Variants in INPP4B observed in about 807,000 individuals in gnomAD.
INPP4B encodes inositol polyphosphate-4-phosphatase type II B.
In INPP4B, 55 loss-of-function variants were observed where a neutral mutation model predicts 122.5. The observed-to-expected ratio is 0.45, with a 90% CI of 0.36 to 0.56. INPP4B has a LOEUF of 0.56. INPP4B is among the 20% of genes least tolerant of loss of function. The probability of loss-of-function intolerance (pLI) is 0.00; values close to 1 mark genes in which losing one functional copy is unlikely to be tolerated. For synonymous variants in INPP4B, 403 were observed against 388.7 expected (o/e 1.04, Z -0.43); for missense variants, 1,000 against 1,097.7 (o/e 0.91, Z 1.26).
chr4:142,664,036 G>A (rs74568308), intron 2 of INPP4B, among the ~76,000 whole-genome samples: 2,010 of 152,232 alleles, frequency 0.013, 37 homozygotes, highest in African/African-American at 0.038. Flanking sequence ...TCATGAACTC[G>A]ATTTCATCTG....
chr4:142,173,174 T>C (rs553478344), intron 16 of INPP4B, among the ~76,000 whole-genome samples: 4 of 152,068 alleles, frequency 2.6e-5, no homozygotes, highest in African/African-American at 9.6e-5. Flanking sequence ...GAGAGCAAAC[T>C]GAGGCAGAGG....
chr4:142,163,874 T>C lies in INPP4B; in HGVS notation c.1360-3313A>G, dbSNP rs566385389. On this transcript the variant is annotated intron_variant, in intron 16 of 25. Coordinates refer to ENST00000262992, the MANE Select transcript of INPP4B (RefSeq NM_001101669.3). The stretch of plus-strand genomic sequence containing the variant: ...TACTGACTGTTCTAAAAAACCTTTT[T>C]CTTTTCTCATTTAGCGTGAACTACA... Among the ~76,000 whole-genome samples, 18 of 151,970 alleles carry C rather than the reference T, an allele frequency of 1.2e-4. No homozygotes were observed. The East Asian group carries it at 2.9e-3, about 25-fold the overall frequency.
chr4:142,713,205 C>T (rs2150804894), intron 2 of INPP4B, among the ~76,000 whole-genome samples: 1 of 152,220 alleles, frequency 6.6e-6, no homozygotes, highest in East Asian at 1.9e-4. Flanking sequence ...TGATGGTCTT[C>T]AAATAATCTA....
chr4:142,745,246 A>G (rs1016347269), intron 1 of INPP4B, among the ~76,000 whole-genome samples: 1 of 151,966 alleles, frequency 6.6e-6, no homozygotes, highest in Non-Finnish European at 1.5e-5. Context: ...AAATAGAAAA[A>G]GAGCAAAAAC....
chr4:142,213,342 G>T (rs995761514), intron 12 of INPP4B, among the ~76,000 whole-genome samples: 1 of 152,104 alleles, frequency 6.6e-6, no homozygotes, highest in African/African-American at 2.4e-5. Flanking sequence ...GTCTGTTTCT[G>T]GCATTTAATA....
chr4:142,071,967 C>A (rs536925610), intron 25 of INPP4B, among the ~76,000 whole-genome samples: 4 of 152,268 alleles, frequency 2.6e-5, no homozygotes, highest in African/African-American at 9.6e-5. Flanking sequence ...TACCATTTGA[C>A]CCAGCCATCC....
At chr4:142,688,329 C>A (rs760671113) in intron 2 of INPP4B, among the ~76,000 whole-genome samples, 2 of 152,122 alleles carry the variant, frequency 1.3e-5, no homozygotes, top group Non-Finnish European at 2.9e-5. Context: ...CACAGCAGGA[C>A]TGTGTACCAT....
intron 7 of INPP4B, among the ~76,000 whole-genome samples, chr4:142,331,789 G>T (rs1317022180): frequency 1.3e-5 from 2 of 152,016 alleles, no homozygotes; most frequent in Non-Finnish European, 2.9e-5. Context: ...GGCAGCTAGT[G>T]CTGAATGCTT....
chr4:142,496,546 G>C (rs1222755821), intron 2 of INPP4B, among the ~76,000 whole-genome samples: 1 of 152,186 alleles, frequency 6.6e-6, no homozygotes, highest in African/African-American at 2.4e-5. Flanking sequence ...TAGCATATGA[G>C]ACTTTCCATT....
At chr4:142,146,177 T>C (rs1268946001) in intron 17 of INPP4B, among the ~76,000 whole-genome samples, 181 bp from the exon 18 acceptor site, 1 of 152,186 alleles carries the variant, frequency 6.6e-6, no homozygotes. Context: ...GTTCTCTTAA[T>C]GAAGCAAAAA....
intron 2 of INPP4B, among the ~76,000 whole-genome samples, chr4:142,654,298 C>G (rs988785425): frequency 4.9e-5 from 7 of 143,280 alleles, no homozygotes. Context: ...TGCAGCAAAC[C>G]AACATGCCAC....
Position 142,243,153 on chromosome 4 carries a change from G to A in INPP4B, c.689-5142C>T, listed in dbSNP as rs564039329. Among the ~76,000 whole-genome samples, 18 of 152,228 alleles carry A rather than the reference G, an allele frequency of 1.2e-4. No homozygotes were observed. In the South Asian group the frequency reaches 3.3e-3, roughly 28 times the overall value. On this transcript the variant is annotated intron_variant, in intron 11 of 25. Coordinates refer to ENST00000262992, the MANE Select transcript of INPP4B (RefSeq NM_001101669.3). ...ATCAGAATCAGGGAAAAGATTAACC[G>A]TAACTGAAAGACCCCTTTATGTTCT...
chr4:142,583,617 C>T (rs1735569551), intron 2 of INPP4B: 1 of 152,140 alleles, frequency 6.6e-6, no homozygotes, highest in East Asian at 1.9e-4. Flanking sequence ...CTGGTGATGA[C>T]TGTAAGGTGG....
intron 2 of INPP4B, among the ~76,000 whole-genome samples, chr4:142,546,340 A>G (rs556650339): frequency 1.3e-5 from 2 of 152,224 alleles, no homozygotes; most frequent in Non-Finnish European, 2.9e-5. Flanking sequence ...TCTATCATTG[A>G]TGGGCATTTA....
chr4:142,620,916 G>C (rs1339452914), intron 2 of INPP4B, among the ~76,000 whole-genome samples: 1 of 151,778 alleles, frequency 6.6e-6, no homozygotes, highest in Non-Finnish European at 1.5e-5. Context: ...TATTCTGATT[G>C]TGTTGGTGGT....
chr4:142,183,317 A>T (rs1244985617), intron 15 of INPP4B, among the ~76,000 whole-genome samples: 2 of 152,316 alleles, frequency 1.3e-5, no homozygotes, highest in East Asian at 3.9e-4. Context: ...TTACCACAAT[A>T]ATCAATTATT....
chr4:142,639,655 C>T (rs1749956284), intron 2 of INPP4B, among the ~76,000 whole-genome samples: 1 of 152,070 alleles, frequency 6.6e-6, no homozygotes, highest in Admixed American at 6.5e-5. Context: ...AGGCAGGCGG[C>T]TTTGCAGAGA....
chr4:142,253,444 G>T (rs1014526661), intron 11 of INPP4B, among the ~76,000 whole-genome samples: 1 of 152,200 alleles, frequency 6.6e-6, no homozygotes, highest in Non-Finnish European at 1.5e-5. Flanking sequence ...CTGAGGTACC[G>T]GGTTCATCTC....
intron 2 of INPP4B, among the ~76,000 whole-genome samples, chr4:142,490,908 A>G (rs923686066): frequency 1.3e-5 from 2 of 152,150 alleles, no homozygotes; most frequent in Admixed American, 6.6e-5. Context: ...CTACTTTTTA[A>G]GGCTGAATAG....
Sources: gnomAD v4.1 joint callset for allele counts (sites outside exome capture counted in the v4.1 genomes callset) on GRCh38, gnomAD v4.1.1 for gene constraint, MANE v1.5 for transcripts, NCBI Gene and HGNC (gene_info 2026-07-23, HGNC 2026-07-21) for gene names.